Variants in PDE4D observed in about 807,000 individuals in gnomAD.
PDE4D encodes 3',5'-cyclic-AMP phosphodiesterase 4D.
A neutral mutation model predicts 87.4 loss-of-function variants in PDE4D; 24 were observed. The observed-to-expected ratio is 0.27, with a 90% CI of 0.20 to 0.39. PDE4D has a LOEUF of 0.39. Ranked by LOEUF, PDE4D falls within the 10% of genes least tolerant of loss-of-function variation. The pLI is 1.00. For synonymous variants in PDE4D, 384 were observed against 383.2 expected, an observed-to-expected ratio of 1.00 and a Z score of -0.02; for missense variants, 714 against 1,041.0, an observed-to-expected ratio of 0.69 and a Z score of 4.32.
chr5:59,908,120 GAAA>G (rs1307933613), intron 3 of PDE4D, among the ~76,000 whole-genome samples: 2 of 151,936 alleles, frequency 1.3e-5, no homozygotes, highest in Non-Finnish European at 2.9e-5. Context: ...TTCTGTTGAT[GAAA>G]TTAAAGACTT....
chr5:59,061,630 C>T (rs1763124832), intron 5 of PDE4D, among the ~76,000 whole-genome samples: 1 of 152,072 alleles, frequency 6.6e-6, no homozygotes, highest in African/African-American at 2.4e-5. Context: ...CCTCCTCTTA[C>T]AGAGACTCTT....
At chr5:60,365,303 T>C (rs191107304) in intron 1 of PDE4D, among the ~76,000 whole-genome samples, 26 of 152,292 alleles carry the variant, frequency 1.7e-4, no homozygotes, top group African/African-American at 6.3e-4. Flanking sequence ...ATAATCTGAT[T>C]TCACATCTTG....
At chr5:59,889,444 G>A (rs1750638398) in intron 1 of PDE4D, among the ~76,000 whole-genome samples, 1 of 149,870 alleles carries the variant, frequency 6.7e-6, no homozygotes, top group African/African-American at 2.5e-5. Flanking sequence ...TTGTGCCACT[G>A]TACTCCAACC....
At chr5:60,368,689 C>T (rs1167874128) in intron 1 of PDE4D, among the ~76,000 whole-genome samples, 1 of 152,156 alleles carries the variant, frequency 6.6e-6, no homozygotes, top group Non-Finnish European at 1.5e-5. Context: ...AATGTGATTG[C>T]ATCATGGGGG....
chr5:59,451,896 A>G (rs1216411520), intron 1 of PDE4D, among the ~76,000 whole-genome samples: 2 of 152,176 alleles, frequency 1.3e-5, no homozygotes, highest in African/African-American at 4.8e-5. Context: ...TTTCTCTTGT[A>G]TGTCACATTC....
chr5:59,745,017 A>G (rs962082846), intron 1 of PDE4D, among the ~76,000 whole-genome samples: 12 of 152,304 alleles, frequency 7.9e-5, no homozygotes, highest in African/African-American at 2.4e-4. Context: ...GAAGGGTAAA[A>G]TCTGTATTTC....
intron 1 of PDE4D, among the ~76,000 whole-genome samples, chr5:59,473,083 G>GAAAAAAA (rs10573988): frequency 1.1e-5 from 1 of 92,114 alleles, no homozygotes; most frequent in African/African-American, 3.7e-5. Context: ...GCTTTCTCAT[G>GAAAAAAA]AAAAAAAAAA....
chr5:59,557,499 T>C (rs964135698), intron 1 of PDE4D, among the ~76,000 whole-genome samples: 2 of 152,058 alleles, frequency 1.3e-5, no homozygotes, highest in African/African-American at 4.8e-5. Context: ...GGGTTAAAGA[T>C]TGTGGCCAGG....
intron 1 of PDE4D, among the ~76,000 whole-genome samples, chr5:59,646,587 AT>A (rs1742480937): frequency 6.6e-6 from 1 of 152,200 alleles, no homozygotes; most frequent in Admixed American, 6.5e-5. Context: ...CTCCAGAAAT[AT>A]GTTTTTAAAT....
At chr5:59,163,275 CTT>C (rs78168130) in intron 5 of PDE4D, among the ~76,000 whole-genome samples, 219 of 135,674 alleles carry the variant, frequency 1.6e-3, no homozygotes, top group Middle Eastern at 3.9e-3. Context: ...AATGAACAAT[CTT>C]TTTTTTTTTT....
chr5:59,126,107 A>AAGAG (rs755881387), intron 5 of PDE4D, among the ~76,000 whole-genome samples: 7 of 148,086 alleles, frequency 4.7e-5, no homozygotes, highest in African/African-American at 1.5e-4. Context: ...AAAAAAAAAA[A>AAGAG]AGAGAGAGAG....
At chr5:60,517,861 A>T (rs1750869898) in intron 1 of PDE4D, among the ~76,000 whole-genome samples, 1 of 152,246 alleles carries the variant, frequency 6.6e-6, no homozygotes, top group Non-Finnish European at 1.5e-5. Context: ...CTGTAACACA[A>T]ACAGGGCTGA....
At position 59,845,254 on chromosome 5, in the gene PDE4D, C is replaced by T. The variant is rs116402626; in HGVS notation, c.455+47914G>A. ...CACTGAGTTAGTGGTAGTTTCTGAC[C>T]CAGCAATAGAAAACCAATGCATTCC... On this transcript the variant is annotated intron_variant, in intron 1 of 14. Coordinates refer to ENST00000340635, the MANE Select transcript of PDE4D (RefSeq NM_001104631.2). Among the ~76,000 whole-genome samples the T allele has an allele frequency of 3.0e-3, 451 of 152,168 alleles. 3 individuals carry two copies. The highest frequency in any genetic ancestry group is 0.01 in the African/African-American group (425 of 41,536).
At position 59,036,607 on chromosome 5, in the gene PDE4D, G is replaced by T. The variant is rs1017572695; in HGVS notation, c.921+2252C>A. On this transcript the variant is annotated intron_variant, in intron 6 of 14. Coordinates refer to ENST00000340635, the MANE Select transcript of PDE4D (RefSeq NM_001104631.2). The stretch of plus-strand genomic sequence containing the variant: ...CATGCCCTTGTTATGAAGAAGAAGG[G>T]TAACTTTACAACCTTTAGCAAGAGC... 2.0e-5 allele frequency among the ~76,000 whole-genome samples: 3 copies of T among 152,188 alleles called. No homozygotes were observed. The South Asian group carries it at 6.2e-4, about 32-fold the overall frequency.
At chr5:59,138,298 G>T (rs1391547109) in intron 5 of PDE4D, among the ~76,000 whole-genome samples, 1 of 151,812 alleles carries the variant, frequency 6.6e-6, no homozygotes, top group Admixed American at 6.6e-5. Context: ...TTTTTGGTTT[G>T]TTTTTTTTAG....
At chr5:59,291,129 T>A (rs1012304998) in intron 1 of PDE4D, among the ~76,000 whole-genome samples, 1 of 152,012 alleles carries the variant, frequency 6.6e-6, no homozygotes, top group South Asian at 2.1e-4. Context: ...TTATCTATAC[T>A]CCCATGTTTA....
At chr5:59,317,545 G>A (rs1178166389) in intron 1 of PDE4D, among the ~76,000 whole-genome samples, 2 of 151,996 alleles carry the variant, frequency 1.3e-5, no homozygotes, top group East Asian at 3.9e-4. Context: ...ACTAACAAAG[G>A]CCACAACCCC....
intron 5 of PDE4D, among the ~76,000 whole-genome samples, chr5:59,177,795 AG>A (rs1784130786): frequency 6.6e-6 from 1 of 152,096 alleles, no homozygotes; most frequent in African/African-American, 2.4e-5. Flanking sequence ...TCCTATGTTG[AG>A]GGATAGACAG....
chr5:60,389,135 T>C (rs985811902), intron 1 of PDE4D, among the ~76,000 whole-genome samples: 3 of 152,138 alleles, frequency 2.0e-5, no homozygotes, highest in Non-Finnish European at 4.4e-5. Flanking sequence ...TATGAAAGGA[T>C]TGGAATAAAA....
Sources: allele counts gnomAD v4.1 joint callset (sites outside exome capture counted in the v4.1 genomes callset), GRCh38; gene constraint gnomAD v4.1.1; transcripts MANE v1.5; gene names NCBI Gene and HGNC (gene_info 2026-07-23, HGNC 2026-07-21).